The following C2orf81 variants were observed in gnomAD, a reference collection of about 807,000 sequenced individuals.
C2orf81 encodes uncharacterized protein C2orf81.
A neutral mutation model predicts 7.9 loss-of-function variants in C2orf81; 5 were observed. The ratio of observed to expected loss-of-function variants is 0.63; its 90% CI spans 0.33 to 1.33. C2orf81 has a LOEUF of 1.33. Among genes scored for constraint, C2orf81 ranks in the 40% most tolerant of loss-of-function variants. The pLI, the probability that C2orf81 is intolerant of heterozygous loss-of-function variation, is 0.05. For missense variants in C2orf81, 781 were observed against 830.4 expected (o/e 0.94, Z 0.73); for synonymous variants, 346 against 367.4 (o/e 0.94, Z 0.66).
chr2:74,414,828 G>A lies in C2orf81; in HGVS notation c.1349C>T (p.Pro450Leu), dbSNP rs1676395929. 6.4e-7 allele frequency: 1 copy of A among 1,551,504 alleles called. No homozygotes were observed. The highest frequency in any genetic ancestry group is 8.7e-7 in the Non-Finnish European group (1 of 1,146,814). The change falls in exon 3 of 3, where the codon CCC (proline) becomes CTC (leucine). Residue 450 changes from proline (P) to leucine (L), a missense_variant. Pro to Leu is a moderately conservative substitution (Grantham distance 98). Transcript: ENST00000684111. This position sits in a 1 kb window ranked among gnomAD's most constrained non-coding sequence, Gnocchi z 5.3. ...ATTTAAAGTGGGGAACAGGAGTGCG[G>A]GGCCCGAGTCCAAGTCACGGAAAGG... ...GIPFRDLDSG[P>L]ALLFPTLNLG...
chr2:74,420,766 C>CTTTTTTTTTTTTTT (rs1676583081), intron 1 of C2orf81, among the ~76,000 whole-genome samples: 1 of 131,416 alleles, frequency 7.6e-6, no homozygotes, highest in African/African-American at 3.0e-5. Flanking sequence ...TTTCTTTCTT[C>CTTTTTTTTTTTTTT]TTCTTCTTTT....
chr2:74,416,301 C>A, intron 1 of C2orf81, 60 bp from the exon 2 acceptor site: 1 of 1,208,188 alleles, frequency 8.3e-7, no homozygotes, highest in East Asian at 5.6e-5. Context: ...GGAAGAGTAG[C>A]TATAGGCTAG....
At position 74,415,450 on chromosome 2, in the gene C2orf81, C is replaced by T; in HGVS notation, c.727G>A (p.Ala243Thr). 6.5e-7 allele frequency: 1 copy of T among 1,534,752 alleles called. No homozygotes were observed. Among genetic ancestry groups the T allele is most frequent in the Non-Finnish European group, 8.8e-7 (1 of 1,135,034 alleles). Residue 243 changes from alanine (A) to threonine (T), a missense_variant, in exon 3 of 3, where the codon GCG (alanine) becomes ACG (threonine). Transcript: ENST00000684111. The surrounding 1 kb of genome is among the most constrained non-coding windows in gnomAD (Gnocchi z 5.5). ...EAGPGGPVEE[A>T]DGQSRGLSSA... ...GAGAGGCCTCTAGACTGGCCGTCCG[C>T]TTCCTCTACAGGACCTCCGGGCCCT...
At position 74,414,453 on chromosome 2, in the gene C2orf81, A is replaced by G. The variant is rs372622223; in HGVS notation, c.1724T>C (p.Met575Thr). 221 of 1,551,202 alleles carry G rather than the reference A, an allele frequency of 1.4e-4. 1 individual carries two copies. The highest frequency in any genetic ancestry group is 1.8e-4 in the Non-Finnish European group (212 of 1,146,768). ...CAACACCTGGGTGCTCCGGTTCCAC[A>G]TGCTCACACCAGGGGCCAGCTTCAG... is the stretch of plus-strand genomic sequence containing the variant. ...EALKLAPGVS[M>T]WNRSTQVLLS... is the part of the protein sequence containing the mutation. Residue 575 changes from methionine (M) to threonine (T), a missense_variant, in exon 3 of 3, where the codon ATG becomes ACG. Transcript: ENST00000684111. This position sits in a 1 kb window ranked among gnomAD's most constrained non-coding sequence, Gnocchi z 5.3.
chr2:74,418,508 G>T, intron 1 of C2orf81: 2 of 991,858 alleles, frequency 2.0e-6, no homozygotes, highest in Non-Finnish European at 3.2e-6. Context: ...CCGCTGGCCT[G>T]CGGTGCATGC....
chr2:74,420,772 C>CTT (rs745827470), intron 1 of C2orf81, among the ~76,000 whole-genome samples: 1,127 of 72,424 alleles, frequency 0.016, 22 homozygotes, highest in East Asian at 0.026. Flanking sequence ...TCTTCTTCTT[C>CTT]TTTTTTTTTT....
chr2:74,417,494 C>T lies in C2orf81; in HGVS notation c.19-1253G>A, dbSNP rs904071434. The stretch of plus-strand genomic sequence containing the variant: ...GGGAGTAGGGGACTCACACCCCTCC[C>T]GCTTTCCTGTAGCCAATGGGGGCTG... On this transcript the variant is annotated intron_variant, in intron 1 of 2. Coordinates refer to ENST00000684111, the MANE Select transcript of C2orf81 (RefSeq NM_001316764.3). 1.9e-5 allele frequency: 24 copies of T among 1,254,842 alleles called. No homozygotes were observed. The East Asian group carries it at 3.0e-4, about 16-fold the overall frequency. 77.7% of individuals were successfully genotyped at this position (1,254,842 alleles called of 1,614,324 possible).
intron 1 of C2orf81, among the ~76,000 whole-genome samples, chr2:74,421,295 C>T (rs891179810): frequency 9.2e-5 from 14 of 152,222 alleles, no homozygotes; most frequent in Non-Finnish European, 1.8e-4. Flanking sequence ...TTCCTGTTCT[C>T]GGGCTCTACA....
rs1003403291 is a variant in C2orf81 at position 74,414,842 on chromosome 2, G to A, written c.1335C>T (p.Asp445=). 1.3e-6 allele frequency: 2 copies of A among 1,551,374 alleles called. No homozygotes were observed. Among genetic ancestry groups the A allele is most frequent in the Non-Finnish European group, 1.7e-6 (2 of 1,146,732 alleles). The stretch of plus-strand genomic sequence containing the variant: ...ACAGGAGTGCGGGGCCCGAGTCCAA[G>A]TCACGGAAAGGAATGCCTGGCCGGA... ...FPLRPGIPFR[D]LDSGPALLFP... is the part of the protein sequence containing the mutation. The change falls in exon 3 of 3, where the codon GAC becomes GAT. Residue 445 remains aspartate (D), a synonymous_variant. Transcript: ENST00000684111. The surrounding 1 kb of genome is among the most constrained non-coding windows in gnomAD (Gnocchi z 5.3).
Position 74,414,884 on chromosome 2 carries a change from C to G in C2orf81, c.1293G>C (p.Pro431=), listed in dbSNP as rs1676398280. The G allele has an allele frequency of 6.5e-7, 1 of 1,546,356 alleles. No individual in the cohort carries two copies. Among genetic ancestry groups the G allele is most frequent in the Non-Finnish European group, 8.7e-7 (1 of 1,143,654 alleles). ...CTGGCCGGAGAGGGAAGAACGCTGC[C>G]GGGGAGACACGGGTGCCGGGGCCGA... The part of the protein sequence containing the change: ...QALGPGTRVS[P]AAFFPLRPGI... Residue 431 remains proline, a synonymous_variant, in exon 3 of 3, where the codon CCG becomes CCC. Coordinates refer to ENST00000684111, the MANE Select transcript of C2orf81 (RefSeq NM_001316764.3). This position sits in a 1 kb window ranked among gnomAD's most constrained non-coding sequence, Gnocchi z 5.3.
intron 1 of C2orf81, chr2:74,418,188 TC>T: frequency 7.4e-7 from 1 of 1,360,298 alleles, no homozygotes; most frequent in African/African-American, 1.4e-5. Context: ...TTTTGGGTCT[TC>T]CCCTTGGTTT....
At chr2:74,418,614 C>T (rs1676528999) in intron 1 of C2orf81, 6 of 603,088 alleles carry the variant, frequency 9.9e-6, no homozygotes, top group South Asian at 9.6e-5. Context: ...TTCCTGGAGC[C>T]GCGCCAGCGC....
chr2:74,416,458 T>A (rs190481202), intron 1 of C2orf81: 1 of 324,128 alleles, frequency 3.1e-6, no homozygotes, highest in African/African-American at 2.3e-5. Flanking sequence ...GAAACTGAAG[T>A]GGGGAGGCTG....
Position 74,415,343 on chromosome 2 carries a change from CG to C in C2orf81, c.833del (p.Pro278ArgfsTer4). ...AGGCCTGGGGGCTGGCTACCAGGTA[CG>C]GATCCAGAGAAGGGTCGGCATCGTC... ...PADDADPSLD[P>X]YLVASPQAST... is the part of the protein sequence containing the mutation. On this transcript the variant is annotated frameshift_variant, in exon 3 of 3. Transcript: ENST00000684111. LOFTEE classifies it low-confidence loss of function (END_TRUNC). The surrounding 1 kb of genome is among the most constrained non-coding windows in gnomAD (Gnocchi z 5.5). 6.5e-7 allele frequency: 1 copy of C among 1,533,048 alleles called. No homozygotes were observed. The highest frequency in any genetic ancestry group is 1.4e-5 in the African/African-American group (1 of 72,534). The allele number at this position is 1,533,048 out of a possible 1,614,324, so 95.0% of individuals were successfully genotyped here.
intron 1 of C2orf81, chr2:74,418,152 GC>G (rs1676515800): frequency 2.1e-6 from 2 of 943,916 alleles, no homozygotes; most frequent in Non-Finnish European, 1.7e-6. Context: ...CCTGCGAGAT[GC>G]CCTTCTCTTC....
chr2:74,417,932 G>A (rs1395055300), intron 1 of C2orf81, among the ~76,000 whole-genome samples: 6 of 151,950 alleles, frequency 3.9e-5, no homozygotes, highest in Admixed American at 6.6e-5. Flanking sequence ...GAGGCCAGGG[G>A]AAAAGTCCTC....
At position 74,415,730 on chromosome 2, in the gene C2orf81, G is replaced by A. The variant is rs1451518699; in HGVS notation, c.447C>T (p.Gly149=). 1 of 1,551,596 alleles carries A rather than the reference G, an allele frequency of 6.4e-7. No individual in the cohort carries two copies. ...GTACTTCGCCTTGGAAGTTCTCCAG[G>A]CCCTCCGAGGTGGACGCGTGCAGCA... The part of the protein sequence containing the change: ...VPVLHASTSE[G]LENFQGEVHS... Residue 149 remains glycine (G), a synonymous_variant, in exon 3 of 3, where the codon GGC becomes GGT. Transcript: ENST00000684111. The surrounding 1 kb of genome is among the most constrained non-coding windows in gnomAD (Gnocchi z 5.5).
rs746839474 is a variant in C2orf81, at chr2:74,414,302, C to T, written c.*27G>A. The T allele has an allele frequency of 7.6e-6, 11 of 1,441,494 alleles. No individual in the cohort carries two copies. The South Asian group carries it at 1.7e-4, about 22-fold the overall frequency. 89.3% of individuals were successfully genotyped at this position (1,441,494 alleles called of 1,614,324 possible). On this transcript the variant is annotated 3_prime_UTR_variant, in exon 3 of 3. Coordinates refer to ENST00000684111, the MANE Select transcript of C2orf81 (RefSeq NM_001316764.3). The surrounding 1 kb of genome is among the most constrained non-coding windows in gnomAD (Gnocchi z 5.3). ...GAGGAGCGTGACCACACTTTGGGGG[C>T]TGAGTTCTTCATTAGCTGTGCTACG... is the stretch of plus-strand genomic sequence containing the variant.
intron 1 of C2orf81, among the ~76,000 whole-genome samples, chr2:74,420,724 G>T (rs1676580712): frequency 6.8e-6 from 1 of 146,314 alleles, no homozygotes; most frequent in Non-Finnish European, 1.5e-5. Flanking sequence ...AAGGGACAGA[G>T]ATATTTTTGC....
Sources: gnomAD v4.1 joint callset for allele counts (sites outside exome capture counted in the v4.1 genomes callset) on GRCh38, gnomAD v4.1.1 for gene constraint, Gnocchi (gnomAD v3.1) non-coding constraint, MANE v1.5 for transcripts, NCBI Gene and HGNC (gene_info 2026-07-23, HGNC 2026-07-21) for gene names.